The following DTNBP1 variants were observed in gnomAD, a reference collection of about 807,000 sequenced individuals.
The protein encoded by DTNBP1 is dystrobrevin binding protein 1, also known as dysbindin.
DTNBP1 carries 35 observed loss-of-function variants against 42.8 expected under a neutral mutation model. The observed-to-expected ratio is 0.82, with a 90% CI of 0.63 to 1.09. The LOEUF is 1.09. Ranked by LOEUF, DTNBP1 falls within the 50% of genes least tolerant of loss-of-function variation. The pLI, the probability that DTNBP1 is intolerant of heterozygous loss-of-function variation, is 0.00. For missense variants in DTNBP1, 457 were observed against 424.2 expected, an observed-to-expected ratio of 1.08 and a Z score of -0.68; for synonymous variants, 171 against 162.2, an observed-to-expected ratio of 1.05 and a Z score of -0.41.
chr6:15,537,202 C>T (rs989954138), intron 7 of DTNBP1, among the ~76,000 whole-genome samples: 2 of 152,106 alleles, frequency 1.3e-5, no homozygotes, highest in East Asian at 1.9e-4. Context: ...GGACAGATCA[C>T]GAGGTCAGGA....
intron 4 of DTNBP1, among the ~76,000 whole-genome samples, chr6:15,633,626 A>G (rs1337282971): frequency 6.6e-6 from 1 of 152,238 alleles, no homozygotes; most frequent in Non-Finnish European, 1.5e-5. Context: ...AAGAAGTTCT[A>G]CTATGGGTAA....
rs1772991277 is a variant in DTNBP1, at chr6:15,533,230, C to T, written c.667+10G>A. On this transcript the variant is annotated intron_variant, in intron 8 of 9. Transcript: ENST00000344537. ...GAGTCCCCACACCAGCAGCCCCAGC[C>T]CCCACTCGCCTCGCCGCTCTGCAAT... 1 of 1,613,306 alleles carries T rather than the reference C, an allele frequency of 6.2e-7. No homozygotes were observed. Among genetic ancestry groups the T allele is most frequent in the Non-Finnish European group, 8.5e-7 (1 of 1,180,008 alleles).
At chr6:15,560,464 T>C (rs549400391) in intron 7 of DTNBP1, among the ~76,000 whole-genome samples, 30 of 152,362 alleles carry the variant, frequency 2.0e-4, no homozygotes, top group Middle Eastern at 3.4e-3. Flanking sequence ...TGGAAATTAT[T>C]TGTATTTGTA....
At chr6:15,534,705 G>A (rs1202796204) in intron 7 of DTNBP1, among the ~76,000 whole-genome samples, 1 of 149,118 alleles carries the variant, frequency 6.7e-6, no homozygotes, top group Non-Finnish European at 1.5e-5. Flanking sequence ...AAGTAAGTAT[G>A]TAGCCATCAT....
intron 4 of DTNBP1, among the ~76,000 whole-genome samples, chr6:15,634,788 T>C (rs1486206972): frequency 6.6e-6 from 1 of 152,210 alleles, no homozygotes; most frequent in Non-Finnish European, 1.5e-5. Flanking sequence ...TTATCTAGCA[T>C]TATTCTTCTA....
At chr6:15,591,942 T>G (rs1776317233) in intron 7 of DTNBP1, among the ~76,000 whole-genome samples, 1 of 152,226 alleles carries the variant, frequency 6.6e-6, no homozygotes, top group East Asian at 1.9e-4. Flanking sequence ...GTTTACAAAT[T>G]GAATTAAGAA....
intron 7 of DTNBP1, among the ~76,000 whole-genome samples, chr6:15,572,250 C>T (rs1310471267): frequency 6.6e-6 from 1 of 152,034 alleles, no homozygotes; most frequent in Non-Finnish European, 1.5e-5. Context: ...GGTTACTTGC[C>T]CAAGGACATG....
chr6:15,613,071 G>A (rs183362283), intron 6 of DTNBP1, among the ~76,000 whole-genome samples: 1 of 152,092 alleles, frequency 6.6e-6, no homozygotes, highest in East Asian at 1.9e-4. Flanking sequence ...ACTTTGGGAG[G>A]CTGAGGCGAG....
At chr6:15,557,200 A>G (rs1256984918) in intron 7 of DTNBP1, among the ~76,000 whole-genome samples, 1 of 151,906 alleles carries the variant, frequency 6.6e-6, no homozygotes, top group Non-Finnish European at 1.5e-5. Flanking sequence ...TGTTAAAAGT[A>G]GAATGTGTTT....
At chr6:15,618,377 G>C (rs932234585) in intron 5 of DTNBP1, among the ~76,000 whole-genome samples, 5 of 152,132 alleles carry the variant, frequency 3.3e-5, no homozygotes, top group African/African-American at 1.2e-4. Flanking sequence ...CTCCAAAAAG[G>C]GGGGAAGCGT....
intron 7 of DTNBP1, among the ~76,000 whole-genome samples, chr6:15,576,450 T>C (rs1775576423): frequency 6.6e-6 from 1 of 151,812 alleles, no homozygotes; most frequent in Admixed American, 6.6e-5. Flanking sequence ...TCTATTCATG[T>C]CAAGTGATAT....
At chr6:15,621,468 CGTGGGGACCAG>C (rs1759035943) in intron 5 of DTNBP1, among the ~76,000 whole-genome samples, 1 of 152,142 alleles carries the variant, frequency 6.6e-6, no homozygotes, top group African/African-American at 2.4e-5. Context: ...TTGTTAATAA[CGTGGGGACCAG>C]ATGAAAACAT....
chr6:15,657,694 C>A (rs752833873), intron 1 of DTNBP1, among the ~76,000 whole-genome samples: 1 of 152,216 alleles, frequency 6.6e-6, no homozygotes, highest in African/African-American at 2.4e-5. Context: ...GAGTAAGGAT[C>A]TTACTTGCTA....
intron 6 of DTNBP1, among the ~76,000 whole-genome samples, chr6:15,596,197 A>C (rs1280533201): frequency 1.3e-5 from 2 of 152,226 alleles, no homozygotes; most frequent in Admixed American, 1.3e-4. Flanking sequence ...GAAGGAGACA[A>C]GCATGCTAAC....
chr6:15,642,252 G>A (rs569009502), intron 3 of DTNBP1, among the ~76,000 whole-genome samples: 2 of 152,298 alleles, frequency 1.3e-5, no homozygotes, highest in South Asian at 2.1e-4. Flanking sequence ...GAGTGTACCC[G>A]CAACCCGCAG....
intron 9 of DTNBP1, chr6:15,523,648 T>C (rs1199664736): frequency 2.3e-6 from 3 of 1,287,502 alleles, no homozygotes; most frequent in Non-Finnish European, 3.0e-6. Flanking sequence ...GTTCTCCAAT[T>C]TTATGGAACT....
intron 5 of DTNBP1, among the ~76,000 whole-genome samples, chr6:15,617,545 A>G (rs1758780395): frequency 6.6e-6 from 1 of 152,140 alleles, no homozygotes; most frequent in African/African-American, 2.4e-5. Flanking sequence ...AGAACAGAGA[A>G]CCCAGAAAAC....
intron 4 of DTNBP1, among the ~76,000 whole-genome samples, chr6:15,635,814 T>A (rs766461301): frequency 1.5e-4 from 23 of 152,232 alleles, no homozygotes; most frequent in Admixed American, 6.5e-4. Flanking sequence ...GTTAAGCACA[T>A]CTTTTGGGTT....
At chr6:15,594,905 T>C (rs1015958513) in intron 6 of DTNBP1, among the ~76,000 whole-genome samples, 3 of 152,194 alleles carry the variant, frequency 2.0e-5, no homozygotes, top group Non-Finnish European at 4.4e-5. Flanking sequence ...GACACTGTTA[T>C]TCTCCTACCC....
Sources: gnomAD v4.1 joint callset for allele counts (sites outside exome capture counted in the v4.1 genomes callset) on GRCh38, gnomAD v4.1.1 for gene constraint, MANE v1.5 for transcripts, NCBI Gene and HGNC (gene_info 2026-07-23, HGNC 2026-07-21) for gene names.